The following DACH1 variants were observed in gnomAD, a reference collection of about 807,000 sequenced individuals.
DACH1 encodes dachshund family transcription factor 1.
DACH1 carries 12 observed loss-of-function variants against 54.2 expected under a neutral mutation model. The ratio of observed to expected loss-of-function variants is 0.22; its 90% CI spans 0.14 to 0.36. DACH1 has a LOEUF of 0.36. Ranked by LOEUF, DACH1 falls within the 10% of genes least tolerant of loss-of-function variation. The pLI is 1.00. For synonymous variants in DACH1, 386 were observed against 366.2 expected (o/e 1.05, Z -0.62); for missense variants, 805 against 929.8 (o/e 0.87, Z 1.75).
intron 1 of DACH1, among the ~76,000 whole-genome samples, chr13:71,854,201 T>C (rs945766025): frequency 1.3e-5 from 2 of 152,172 alleles, no homozygotes; most frequent in Non-Finnish European, 2.9e-5. Flanking sequence ...AGGGATCTGT[T>C]CTAAATATCA....
chr13:71,591,945 C>CA (rs1007775039), intron 3 of DACH1, among the ~76,000 whole-genome samples: 3 of 151,864 alleles, frequency 2.0e-5, no homozygotes, highest in East Asian at 3.9e-4. Context: ...CTAGTTAAAA[C>CA]AAAAAAAGGG....
chr13:71,687,245 A>G (rs972360113), intron 1 of DACH1, among the ~76,000 whole-genome samples: 1 of 152,152 alleles, frequency 6.6e-6, no homozygotes, highest in Non-Finnish European at 1.5e-5. Context: ...TTTTATATAT[A>G]TACACATATA....
Position 71,440,494 on chromosome 13 carries a change from T to TC in DACH1, c.*160_*161insG. On this transcript the variant is annotated 3_prime_UTR_variant, in exon 11 of 11. Coordinates refer to ENST00000613252, the MANE Select transcript of DACH1 (RefSeq NM_080759.6). ...ACAGGTGAAAATCAATGGAGAAAAC[T>TC]TTTTTTTTTTTTGTAGAATACTTAA... 1 of 259,354 alleles carries TC rather than the reference T, an allele frequency of 3.9e-6. No individual in the cohort carries two copies. Among genetic ancestry groups the TC allele is most frequent in the South Asian group, 4.0e-5 (1 of 25,092 alleles). 16.1% of individuals were successfully genotyped at this position (259,354 alleles called of 1,614,324 possible).
chr13:71,557,662 G>A (rs1263857057), intron 5 of DACH1, among the ~76,000 whole-genome samples: 1 of 151,852 alleles, frequency 6.6e-6, no homozygotes. Context: ...ACCACCTTAA[G>A]AAAGTGATAA....
chr13:71,469,971 T>A (rs2138159254), intron 10 of DACH1, among the ~76,000 whole-genome samples: 1 of 152,318 alleles, frequency 6.6e-6, no homozygotes, highest in Non-Finnish European at 1.5e-5. Context: ...AAGTCAAGAT[T>A]TTGCAAGCAC....
At chr13:71,512,307 A>G (rs1162552631) in intron 6 of DACH1, among the ~76,000 whole-genome samples, 1 of 151,896 alleles carries the variant, frequency 6.6e-6, no homozygotes, top group Non-Finnish European at 1.5e-5. Flanking sequence ...TCTGCCCTAC[A>G]CATTCTTTTA....
intron 1 of DACH1, among the ~76,000 whole-genome samples, chr13:71,701,850 A>T (rs1490770188): frequency 6.6e-6 from 1 of 152,168 alleles, no homozygotes; most frequent in Non-Finnish European, 1.5e-5. Context: ...GTGTTTGATT[A>T]TATAGTTGCT....
intron 1 of DACH1, among the ~76,000 whole-genome samples, chr13:71,837,613 T>C (rs1474678807): frequency 6.6e-6 from 1 of 152,118 alleles, no homozygotes; most frequent in Non-Finnish European, 1.5e-5. Flanking sequence ...GAAGGAATGA[T>C]GGCAGGCAAA....
chr13:71,751,925 T>C (rs1336950531), intron 1 of DACH1, among the ~76,000 whole-genome samples: 1 of 152,188 alleles, frequency 6.6e-6, no homozygotes, highest in East Asian at 1.9e-4. Flanking sequence ...TGAATTCTAC[T>C]ATTATGTATC....
intron 10 of DACH1, among the ~76,000 whole-genome samples, chr13:71,442,312 C>T (rs183078158): frequency 6.6e-5 from 10 of 152,158 alleles, no homozygotes; most frequent in African/African-American, 2.4e-4. Flanking sequence ...CTGTGCTTGG[C>T]TTATTTCACT....
intron 6 of DACH1, among the ~76,000 whole-genome samples, chr13:71,495,061 C>T (rs184137330): frequency 9.6e-4 from 146 of 152,098 alleles, no homozygotes; most frequent in South Asian, 5.0e-3. Context: ...TATATATTCT[C>T]TTTCAAGTTA....
At chr13:71,816,394 C>T (rs1055440516) in intron 1 of DACH1, among the ~76,000 whole-genome samples, 1 of 151,688 alleles carries the variant, frequency 6.6e-6, no homozygotes, top group African/African-American at 2.4e-5. Context: ...TACCATTTGA[C>T]CCAGCAATCC....
chr13:71,556,892 T>C (rs1884286146), intron 6 of DACH1, 132 bp downstream of exon 6: 2 of 942,676 alleles, frequency 2.1e-6, no homozygotes, highest in Admixed American at 6.1e-5. Context: ...TTGTACTTAA[T>C]ATTGTGGATT....
At chr13:71,481,060 T>C (rs1443707581) in intron 7 of DACH1, among the ~76,000 whole-genome samples, 1 of 152,168 alleles carries the variant, frequency 6.6e-6, no homozygotes, top group East Asian at 1.9e-4. Context: ...AAACAATTAG[T>C]AACAAATGAA....
intron 2 of DACH1, among the ~76,000 whole-genome samples, chr13:71,663,939 G>A (rs758589926): frequency 5.9e-5 from 9 of 151,766 alleles, no homozygotes; most frequent in Middle Eastern, 3.4e-3. Flanking sequence ...ATCACCTGTT[G>A]GAAACAGTAC....
intron 3 of DACH1, among the ~76,000 whole-genome samples, chr13:71,605,243 C>T (rs1208293173): frequency 1.3e-5 from 2 of 151,802 alleles, no homozygotes; most frequent in African/African-American, 2.4e-5. Flanking sequence ...TCAATAATTA[C>T]ATTTTTTAAA....
At chr13:71,440,726 A>T in intron 10 of DACH1, 34 bp from the exon 11 acceptor site, 1 of 1,546,808 alleles carries the variant, frequency 6.5e-7, no homozygotes, top group Non-Finnish European at 8.9e-7. Context: ...AATTAATGGC[A>T]TGGTATTTGG....
At chr13:71,793,964 T>G (rs1473532843) in intron 1 of DACH1, among the ~76,000 whole-genome samples, 1 of 152,104 alleles carries the variant, frequency 6.6e-6, no homozygotes, top group Admixed American at 6.6e-5. Context: ...CCTCCTTATT[T>G]CCATTAATAA....
intron 6 of DACH1, among the ~76,000 whole-genome samples, chr13:71,510,355 A>G (rs1386266003): frequency 6.6e-6 from 1 of 151,914 alleles, no homozygotes. Context: ...AAGTGCCCTC[A>G]TCTCTGGACT....
Sources: gnomAD v4.1 joint callset for allele counts (sites outside exome capture counted in the v4.1 genomes callset) on GRCh38, gnomAD v4.1.1 for gene constraint, MANE v1.5 for transcripts, NCBI Gene and HGNC (gene_info 2026-07-23, HGNC 2026-07-21) for gene names.